Variants in DSCAM observed in about 807,000 individuals in gnomAD.
The protein encoded by DSCAM is cell adhesion molecule DSCAM.
DSCAM carries 47 observed loss-of-function variants against 217.7 expected under a neutral mutation model. That is an observed-to-expected ratio of 0.22 (90% CI 0.17 to 0.28). DSCAM has a LOEUF of 0.28. Ranked by LOEUF, DSCAM falls within the 10% of genes least tolerant of loss-of-function variation. The probability of loss-of-function intolerance (pLI) is 1.00; values close to 1 mark genes in which losing one functional copy is unlikely to be tolerated. For missense variants in DSCAM, 2,080 were observed against 2,618.3 expected, an observed-to-expected ratio of 0.79 and a Z score of 4.49; for synonymous variants, 1,056 against 1,015.3, an observed-to-expected ratio of 1.04 and a Z score of -0.76.
chr21:40,663,845 T>C (rs1408501923), intron 3 of DSCAM, among the ~76,000 whole-genome samples: 1 of 152,190 alleles, frequency 6.6e-6, no homozygotes, highest in African/African-American at 2.4e-5. Context: ...CTCCTGGAGT[T>C]TTCAGTTCTG....
rs1281724123 is a variant in DSCAM, at chr21:40,016,163, T to C, written c.5687-2777A>G. On this transcript the variant is annotated intron_variant, in intron 32 of 32. Transcript: ENST00000400454. This position sits in a 1 kb window ranked among gnomAD's most constrained non-coding sequence, Gnocchi z 4.3. ...ATGTGCAGGGAGAGAGATATGATGA[T>C]GGTCTGAGCTCAGGAGCAGCTGTGG... Among the ~76,000 whole-genome samples the C allele has an allele frequency of 6.6e-6, 1 of 152,100 alleles. No individual in the cohort carries two copies. The highest frequency in any genetic ancestry group is 1.9e-4 in the East Asian group (1 of 5,172).
intron 3 of DSCAM, among the ~76,000 whole-genome samples, chr21:40,553,899 C>A (rs961530967): frequency 2.6e-5 from 4 of 152,030 alleles, no homozygotes; most frequent in Non-Finnish European, 5.9e-5. Context: ...AAACTGAGGC[C>A]CAACAGGTTA....
At chr21:40,480,951 GA>G (rs200378327) in intron 3 of DSCAM, among the ~76,000 whole-genome samples, 1 of 151,998 alleles carries the variant, frequency 6.6e-6, no homozygotes, top group African/African-American at 2.4e-5. Flanking sequence ...TCTCATCTGG[GA>G]AAAAAACAAC....
At position 40,626,886 on chromosome 21, in the gene DSCAM, CA is replaced by C. The variant is rs368315020; in HGVS notation, c.508+65923del. Among the ~76,000 whole-genome samples, 14 of 152,298 alleles carry C rather than the reference CA, an allele frequency of 9.2e-5. 1 individual carries two copies. In the East Asian group the frequency reaches 1.5e-3, roughly 17 times the overall value. ...CTCAATGGGGTCAAAACAAGTAGTACAAAGCGAATGCTATAAAACTTGAAAA... is the reference window on the plus strand; with the variant it reads ...CTCAATGGGGTCAAAACAAGTAGTACAAGCGAATGCTATAAAACTTGAAAA... On this transcript the variant is annotated intron_variant, in intron 3 of 32. Coordinates refer to ENST00000400454, the MANE Select transcript of DSCAM (RefSeq NM_001389.5).
intron 1 of DSCAM, among the ~76,000 whole-genome samples, chr21:40,822,318 CAAAA>C (rs61569827): frequency 2.8e-3 from 163 of 57,848 alleles, no homozygotes; most frequent in Non-Finnish European, 2.1e-3. Context: ...GATCTTTTCT[CAAAA>C]AAAAAAAAAA....
At chr21:40,352,860 C>G (rs747245202) in intron 5 of DSCAM, among the ~76,000 whole-genome samples, 2 of 152,134 alleles carry the variant, frequency 1.3e-5, no homozygotes, top group Non-Finnish European at 2.9e-5. Flanking sequence ...AATCTGCCTT[C>G]AGTATCCTTC....
chr21:40,031,681 G>A (rs570293764), intron 32 of DSCAM, among the ~76,000 whole-genome samples: 2 of 152,224 alleles, frequency 1.3e-5, no homozygotes, highest in East Asian at 3.9e-4. Context: ...CTTGTGAGAA[G>A]CTAAAGCCAC....
chr21:40,112,733 T>A (rs900256742), intron 20 of DSCAM, among the ~76,000 whole-genome samples: 1 of 152,244 alleles, frequency 6.6e-6, no homozygotes, highest in African/African-American at 2.4e-5. Flanking sequence ...ATAAAGGGGA[T>A]ATCACCACCA....
At chr21:40,687,591 C>T (rs749678159) in intron 3 of DSCAM, among the ~76,000 whole-genome samples, 5 of 152,170 alleles carry the variant, frequency 3.3e-5, no homozygotes, top group Non-Finnish European at 7.3e-5. Context: ...ATCCAATCTG[C>T]TCTTAGTTCT....
intron 1 of DSCAM, among the ~76,000 whole-genome samples, chr21:40,811,845 T>C (rs1343225096): frequency 6.6e-6 from 1 of 152,214 alleles, no homozygotes; most frequent in Non-Finnish European, 1.5e-5. Context: ...CCATATGGGA[T>C]AGGCACCTGG....
At chr21:40,594,012 G>A (rs997199063) in intron 3 of DSCAM, among the ~76,000 whole-genome samples, 1 of 152,068 alleles carries the variant, frequency 6.6e-6, no homozygotes, top group African/African-American at 2.4e-5. Context: ...AGTTACTTAG[G>A]TCCATTCATT....
intron 32 of DSCAM, among the ~76,000 whole-genome samples, chr21:40,033,053 A>G (rs1357355986): frequency 6.6e-6 from 1 of 152,168 alleles, no homozygotes; most frequent in Non-Finnish European, 1.5e-5. Flanking sequence ...ACCCTTATCC[A>G]TTAATTCCCA....
chr21:40,282,590 C>CA (rs528248714), intron 10 of DSCAM, among the ~76,000 whole-genome samples: 4,178 of 32,780 alleles, frequency 0.13, 1,230 homozygotes, highest in Non-Finnish European at 0.36. Flanking sequence ...GACTCTGTCT[C>CA]AAAAAAAAAA....
At chr21:40,637,966 G>A (rs1408127755) in intron 3 of DSCAM, among the ~76,000 whole-genome samples, 1 of 151,896 alleles carries the variant, frequency 6.6e-6, no homozygotes, top group Non-Finnish European at 1.5e-5. Flanking sequence ...TTACAGGCAT[G>A]AGCCACCATG....
Position 40,784,814 on chromosome 21 carries a change from G to A in DSCAM, c.43+61805C>T, listed in dbSNP as rs993405628. 2.6e-5 allele frequency among the ~76,000 whole-genome samples: 4 copies of A among 152,170 alleles called. No individual in the cohort carries two copies. In the South Asian group the frequency reaches 8.3e-4, roughly 31 times the overall value. Reference sequence around the variant, plus strand: ...CTAACCAGATGCCGAACCTTCTGCTGCTTTAATGTTAGACTTTCAGCCTCC... The same window carrying A: ...CTAACCAGATGCCGAACCTTCTGCTACTTTAATGTTAGACTTTCAGCCTCC... On this transcript the variant is annotated intron_variant, in intron 1 of 32. Transcript: ENST00000400454.
In DSCAM at chr21:40,148,925, A is replaced by G. The variant is rs1048467312; in HGVS notation, c.3019-4194T>C. Reference sequence around the variant, plus strand: ...CAACTTTACCACCATATTTATCACAAACTTCACCAACAAACCACACTTTAA... The same window carrying G: ...CAACTTTACCACCATATTTATCACAGACTTCACCAACAAACCACACTTTAA... On this transcript the variant is annotated intron_variant, in intron 16 of 32. Coordinates refer to ENST00000400454, the MANE Select transcript of DSCAM (RefSeq NM_001389.5). Among the ~76,000 whole-genome samples, 10 of 152,196 alleles carry G rather than the reference A, an allele frequency of 6.6e-5. 1 individual carries two copies. Among genetic ancestry groups the G allele is most frequent in the African/African-American group, 1.9e-4 (8 of 41,502 alleles).
chr21:40,276,289 G>A lies in DSCAM; in HGVS notation c.2183-19C>T. ...CCAGCACCTGAGACAGAAAAAGAAA[G>A]ACGAGCAATGATGCAAACGAGAGTA... On this transcript the variant is annotated intron_variant, in intron 10 of 32. Transcript: ENST00000400454. The A allele has an allele frequency of 6.4e-7, 1 of 1,572,762 alleles. No homozygotes were observed. The highest frequency in any genetic ancestry group is 8.6e-7 in the Non-Finnish European group (1 of 1,161,088).
At chr21:40,045,590 A>T (rs9976662) in intron 30 of DSCAM, among the ~76,000 whole-genome samples, 22,312 of 152,150 alleles carry the variant, frequency 0.15, 1,932 homozygotes, top group East Asian at 0.33. Flanking sequence ...GTGGAAAATG[A>T]GAGAGGTTCA....
intron 3 of DSCAM, among the ~76,000 whole-genome samples, chr21:40,482,609 C>T (rs2075992506): frequency 1.3e-5 from 2 of 152,164 alleles, no homozygotes. Flanking sequence ...CATTTTCATA[C>T]TCTCTGGAGA....
Sources: gnomAD v4.1 joint callset for allele counts (sites outside exome capture counted in the v4.1 genomes callset) on GRCh38, gnomAD v4.1.1 for gene constraint, Gnocchi (gnomAD v3.1) non-coding constraint, MANE v1.5 for transcripts, NCBI Gene and HGNC (gene_info 2026-07-23, HGNC 2026-07-21) for gene names.